The following CMSS1 variants were observed in gnomAD, a reference collection of about 807,000 sequenced individuals.
CMSS1 encodes the protein protein CMSS1.
CMSS1 carries 33 observed loss-of-function variants against 43.5 expected under a neutral mutation model. The observed-to-expected ratio is 0.76, with a 90% confidence interval of 0.57 to 1.01. The LOEUF (loss-of-function observed/expected upper bound fraction) is 1.01. Ranked by LOEUF, CMSS1 falls within the 50% of genes least tolerant of loss-of-function variation. The pLI is 0.00. For missense variants in CMSS1, 313 were observed against 326.4 expected, an observed-to-expected ratio of 0.96 and a Z score of 0.32; for synonymous variants, 115 against 117.2, an observed-to-expected ratio of 0.98 and a Z score of 0.12.
intron 1 of CMSS1, among the ~76,000 whole-genome samples, chr3:99,944,816 C>G (rs1576591386): frequency 6.6e-6 from 1 of 152,058 alleles, no homozygotes; most frequent in East Asian, 1.9e-4. Flanking sequence ...TTAAAGTAGC[C>G]AGTATCTTTC....
At chr3:99,822,684 G>T (rs1359771011) in intron 1 of CMSS1, among the ~76,000 whole-genome samples, 2 of 151,948 alleles carry the variant, frequency 1.3e-5, no homozygotes, top group East Asian at 3.9e-4. Flanking sequence ...GTGAGCCGAG[G>T]TCGTGCCACT....
At chr3:100,056,561 T>C (rs1285221924) in intron 1 of CMSS1, among the ~76,000 whole-genome samples, 1 of 152,196 alleles carries the variant, frequency 6.6e-6, no homozygotes, top group Non-Finnish European at 1.5e-5. Context: ...TGCTAGCCCT[T>C]ACTGGCTTTA....
Position 99,983,423 on chromosome 3 carries a change from T to C in CMSS1, c.65-163550T>C, listed in dbSNP as rs1402368027. Among the ~76,000 whole-genome samples, 13 of 77,866 alleles carry C rather than the reference T, an allele frequency of 1.7e-4. 1 individual carries two copies. The highest frequency in any genetic ancestry group is 2.9e-4 in the Non-Finnish European group (12 of 41,490). The allele number at this position is 77,866 out of a possible 152,430, so 51.1% of individuals were successfully genotyped here. ...ATATATATATATATATATATATGTA[T>C]GTATGTATGTATATATATGTATGTA... On this transcript the variant is annotated intron_variant, in intron 1 of 9. Coordinates refer to ENST00000421999, the MANE Select transcript of CMSS1 (RefSeq NM_032359.4).
chr3:100,167,916 T>C (rs970697173), intron 6 of CMSS1, 76 bp downstream of exon 6: 24 of 967,114 alleles, frequency 2.5e-5, no homozygotes, highest in Non-Finnish European at 3.6e-5. Context: ...ATGTTCTATG[T>C]GCTGGAGATG....
At chr3:100,021,960 T>A (rs10604710) in intron 1 of CMSS1, among the ~76,000 whole-genome samples, 8,387 of 91,524 alleles carry the variant, frequency 0.092, 380 homozygotes, top group East Asian at 0.15. Context: ...TGTGTGTGTG[T>A]GAGAGAGAGA....
At chr3:100,082,636 G>A (rs755308878) in intron 1 of CMSS1, among the ~76,000 whole-genome samples, 6 of 152,040 alleles carry the variant, frequency 3.9e-5, no homozygotes, top group Non-Finnish European at 7.4e-5. Context: ...GGTCCCACAG[G>A]GTAACTATTT....
chr3:100,006,625 T>A (rs1331342895), intron 1 of CMSS1, among the ~76,000 whole-genome samples: 1 of 151,834 alleles, frequency 6.6e-6, no homozygotes, highest in African/African-American at 2.4e-5. Context: ...TGATGAGAAT[T>A]CAGCTCATTT....
chr3:100,127,347 C>T (rs1208634724), intron 1 of CMSS1, among the ~76,000 whole-genome samples: 1 of 152,172 alleles, frequency 6.6e-6, no homozygotes, highest in African/African-American at 2.4e-5. Context: ...CTTCTGAGAG[C>T]TTTCCATGGG....
At chr3:99,829,626 A>C (rs1942610287) in intron 1 of CMSS1, among the ~76,000 whole-genome samples, 1 of 152,208 alleles carries the variant, frequency 6.6e-6, no homozygotes, top group African/African-American at 2.4e-5. Context: ...CCTAACCCCA[A>C]GCTTTTGTTG....
rs561549657 is a variant in CMSS1 at position 100,131,446 on chromosome 3, A to G, written c.65-15527A>G. 1.6e-4 allele frequency among the ~76,000 whole-genome samples: 25 copies of G among 152,368 alleles called. 1 individual carries two copies. In the South Asian group the frequency reaches 4.8e-3, roughly 29 times the overall value. On this transcript the variant is annotated intron_variant, in intron 1 of 9. Transcript: ENST00000421999. ...TTTATATTTTAGGAAACCAAAGCACACAAAGAGGAACTAACTTGCCCAAAG... is the reference window on the plus strand; with the variant it reads ...TTTATATTTTAGGAAACCAAAGCACGCAAAGAGGAACTAACTTGCCCAAAG...
chr3:99,821,097 AT>A (rs1275500888), intron 1 of CMSS1, among the ~76,000 whole-genome samples: 1 of 152,106 alleles, frequency 6.6e-6, no homozygotes, highest in African/African-American at 2.4e-5. Context: ...GAACTGTACT[AT>A]TTTTTGGCTG....
At chr3:100,167,351 G>A (rs2067073510) in intron 5 of CMSS1, among the ~76,000 whole-genome samples, 1 of 152,132 alleles carries the variant, frequency 6.6e-6, no homozygotes, top group Non-Finnish European at 1.5e-5. Flanking sequence ...TTAAATGTTT[G>A]TTCCATTTTA....
intron 1 of CMSS1, among the ~76,000 whole-genome samples, chr3:100,032,617 G>T (rs755142789): frequency 6.6e-5 from 10 of 152,062 alleles, no homozygotes; most frequent in Admixed American, 2.0e-4. Context: ...TCTATTTTTT[G>T]ACATAAAGGC....
intron 2 of CMSS1, among the ~76,000 whole-genome samples, chr3:100,159,394 C>CAG (rs2067003681): frequency 6.6e-6 from 1 of 152,182 alleles, no homozygotes; most frequent in Admixed American, 6.5e-5. Context: ...TCTCTGACTT[C>CAG]AGGCCATAGA....
chr3:100,159,694 T>A lies in CMSS1; in HGVS notation c.154-736T>A, dbSNP rs2067006232. The A allele has an allele frequency of 1.3e-5, 3 of 236,432 alleles. No individual in the cohort carries two copies. The East Asian group carries it at 2.7e-4, about 21-fold the overall frequency. 14.6% of individuals were successfully genotyped at this position (236,432 alleles called of 1,614,324 possible). On this transcript the variant is annotated intron_variant, in intron 2 of 9. Transcript: ENST00000421999. The stretch of plus-strand genomic sequence containing the variant: ...AAATATGGAATCTGGGGCATTCTAT[T>A]TTATAAATCAAGGTCTTAGTCCAAA...
intron 1 of CMSS1, among the ~76,000 whole-genome samples, chr3:99,966,612 C>G (rs578254754): frequency 6.6e-6 from 1 of 152,162 alleles, no homozygotes; most frequent in Non-Finnish European, 1.5e-5. Context: ...ACCCTTCGCT[C>G]TGTATATACA....
chr3:100,074,100 A>C (rs530128929), intron 1 of CMSS1, among the ~76,000 whole-genome samples: 1 of 152,042 alleles, frequency 6.6e-6, no homozygotes, highest in Admixed American at 6.5e-5. Flanking sequence ...ACTGGAAAAT[A>C]TGAGGCAGAT....
chr3:99,993,439 T>A (rs1709582571), intron 1 of CMSS1, among the ~76,000 whole-genome samples: 2 of 152,060 alleles, frequency 1.3e-5, no homozygotes, highest in African/African-American at 4.8e-5. Context: ...AAAATTTGTC[T>A]TCCTCTTTTC....
At chr3:99,854,998 A>T (rs904533272) in intron 1 of CMSS1, among the ~76,000 whole-genome samples, 2 of 152,132 alleles carry the variant, frequency 1.3e-5, no homozygotes, top group Admixed American at 1.3e-4. Flanking sequence ...CCTTATAACA[A>T]ACTCCCAGAT....
Sources: allele counts gnomAD v4.1 joint callset (sites outside exome capture counted in the v4.1 genomes callset), GRCh38; gene constraint gnomAD v4.1.1; transcripts MANE v1.5; gene names NCBI Gene and HGNC (gene_info 2026-07-23, HGNC 2026-07-21).